APH1B: variants seen among roughly 807,000 people sequenced by gnomAD.
APH1B encodes gamma-secretase subunit APH-1B.
A neutral mutation model predicts 28.2 loss-of-function variants in APH1B; 27 were observed. The ratio of observed to expected loss-of-function variants is 0.96; its 90% CI spans 0.70 to 1.32. The LOEUF is 1.32. Among genes scored for constraint, APH1B ranks in the 40% most tolerant of loss-of-function variants. APH1B has a pLI of 0.00. For missense variants in APH1B, 305 were observed against 313.6 expected (o/e 0.97, Z 0.21); for synonymous variants, 141 against 124.6 (o/e 1.13, Z -0.88).
intron 2 of APH1B, among the ~76,000 whole-genome samples, chr15:63,281,357 T>C (rs746533151): frequency 3.3e-5 from 5 of 152,108 alleles, no homozygotes; most frequent in African/African-American, 1.2e-4. Flanking sequence ...TGACCCTTTT[T>C]GTCAGCGCCT....
chr15:63,300,713 A>G (rs1325254635), intron 4 of APH1B, among the ~76,000 whole-genome samples: 2 of 152,240 alleles, frequency 1.3e-5, no homozygotes, highest in African/African-American at 4.8e-5. Context: ...GTTTACTGAA[A>G]TAATTACACG....
chr15:63,277,859 TGA>T, intron 1 of APH1B, 123 bp downstream of exon 1: 1 of 946,662 alleles, frequency 1.1e-6, no homozygotes, highest in Non-Finnish European at 1.5e-6. Context: ...GGAGGAGGGT[TGA>T]GAGGGGGAGA....
chr15:63,308,844 A>G lies in APH1B; in HGVS notation c.*3063A>G, dbSNP rs1380356828. 6.6e-6 allele frequency: 1 copy of G among 152,230 alleles called. No homozygotes were observed. The highest frequency in any genetic ancestry group is 2.4e-5 in the African/African-American group (1 of 41,452). 9.4% of individuals were successfully genotyped at this position (152,230 alleles called of 1,614,324 possible). ...CCATTCCTAACTCCAGGTAGACAAG[A>G]TAGATGTCACACACAACAATTTTAA... On this transcript the variant is annotated 3_prime_UTR_variant, in exon 6 of 6. Coordinates refer to ENST00000261879, the MANE Select transcript of APH1B (RefSeq NM_031301.4).
chr15:63,301,768 A>T (rs1298446759), intron 4 of APH1B, among the ~76,000 whole-genome samples: 1 of 151,860 alleles, frequency 6.6e-6, no homozygotes, highest in Non-Finnish European at 1.5e-5. Flanking sequence ...ATGTGCCACC[A>T]TGCCTGGCTA....
chr15:63,279,428 T>G (rs370171969), intron 2 of APH1B, 97 bp downstream of exon 2: 2 of 1,131,346 alleles, frequency 1.8e-6, no homozygotes, highest in Non-Finnish European at 2.5e-6. Flanking sequence ...ATCTATGCCC[T>G]CCTACATAGT....
Position 63,279,265 on chromosome 15 carries a change from T to C in APH1B, c.218T>C (p.Ile73Thr). ...GGACCAACACAGAAATATCTGCTGA[T>C]CTTTGGAGCGTTTGTCTCTGTCTAT... ...KDGPTQKYLL[I>T]FGAFVSVYIQ... is the part of the protein sequence containing the mutation. Residue 73 changes from isoleucine (I) to threonine (T), a missense_variant, in exon 2 of 6, where the codon ATC (isoleucine) becomes ACC (threonine). By Grantham distance (89) the Ile-to-Thr change is moderately conservative. Coordinates refer to ENST00000261879, the MANE Select transcript of APH1B (RefSeq NM_031301.4). The C allele has an allele frequency of 6.2e-7, 1 of 1,612,790 alleles. No individual in the cohort carries two copies. Among genetic ancestry groups the C allele is most frequent in the Non-Finnish European group, 8.5e-7 (1 of 1,179,028 alleles).
intron 4 of APH1B, among the ~76,000 whole-genome samples, chr15:63,296,946 ATGT>A (rs1330251603): frequency 6.6e-6 from 1 of 152,124 alleles, no homozygotes; most frequent in East Asian, 1.9e-4. Flanking sequence ...CCGGCTGTAA[ATGT>A]TGTTTCTTGA....
At chr15:63,283,467 C>A (rs945858730) in intron 2 of APH1B, among the ~76,000 whole-genome samples, 1 of 152,032 alleles carries the variant, frequency 6.6e-6, no homozygotes, top group African/African-American at 2.4e-5. Flanking sequence ...TGAGCTCAAG[C>A]GACCCGCCCA....
At chr15:63,298,605 A>G (rs1446577710) in intron 4 of APH1B, among the ~76,000 whole-genome samples, 2 of 152,120 alleles carry the variant, frequency 1.3e-5, no homozygotes, top group Admixed American at 6.5e-5. Context: ...TGATAGTACA[A>G]CTCACTGAGA....
In APH1B at chr15:63,283,681, G is replaced by A. The variant is rs573489483; in HGVS notation, c.285-2877G>A. Reference sequence around the variant, plus strand: ...TGATAGTGTCCTTTGTAGCATCAAAGTTTTTAATTTTGGTGAGGTTCATCT... The same window carrying A: ...TGATAGTGTCCTTTGTAGCATCAAAATTTTTAATTTTGGTGAGGTTCATCT... On this transcript the variant is annotated intron_variant, in intron 2 of 5. Transcript: ENST00000261879. 2.9e-3 allele frequency among the ~76,000 whole-genome samples: 449 copies of A among 152,248 alleles called. 5 individuals carry two copies. Among genetic ancestry groups the A allele is most frequent in the African/African-American group, 0.01 (435 of 41,538 alleles).
intron 2 of APH1B, among the ~76,000 whole-genome samples, 199 bp downstream of exon 2, chr15:63,279,530 T>A (rs2038362886): frequency 6.6e-6 from 1 of 152,202 alleles, no homozygotes; most frequent in South Asian, 2.1e-4. Flanking sequence ...TTTCTTCCTT[T>A]ATTCAAAAAA....
Position 63,300,036 on chromosome 15 carries a change from G to A in APH1B, c.479-2309G>A, listed in dbSNP as rs932807061. 3.9e-5 allele frequency among the ~76,000 whole-genome samples: 6 copies of A among 152,152 alleles called. No individual in the cohort carries two copies. The South Asian group carries it at 1.2e-3, about 32-fold the overall frequency. ...ATATTATATGTGCATGAAATGGCAGGGATTTTCTTTCAGGGGAGGGAGTTT... is the reference window on the plus strand; with the variant it reads ...ATATTATATGTGCATGAAATGGCAGAGATTTTCTTTCAGGGGAGGGAGTTT... On this transcript the variant is annotated intron_variant, in intron 4 of 5. Transcript: ENST00000261879.
chr15:63,282,156 A>G (rs548789216), intron 2 of APH1B, among the ~76,000 whole-genome samples: 7 of 152,248 alleles, frequency 4.6e-5, no homozygotes, highest in African/African-American at 1.2e-4. Flanking sequence ...TGACATTTAT[A>G]TGGATACATT....
intron 3 of APH1B, 90 bp from the exon 4 acceptor site, chr15:63,287,334 C>A: frequency 6.5e-7 from 1 of 1,539,416 alleles, no homozygotes; most frequent in Non-Finnish European, 8.8e-7. Context: ...ACCCTTTCCC[C>A]TCCAACACAC....
chr15:63,302,107 G>A (rs1006852540), intron 4 of APH1B, among the ~76,000 whole-genome samples: 3 of 152,196 alleles, frequency 2.0e-5, no homozygotes, highest in African/African-American at 7.2e-5. Context: ...CTGCCTGAAA[G>A]CCAGATCTTA....
At chr15:63,293,267 C>T (rs1181346720) in intron 4 of APH1B, among the ~76,000 whole-genome samples, 1 of 150,994 alleles carries the variant, frequency 6.6e-6, no homozygotes, top group Non-Finnish European at 1.5e-5. Context: ...CGGGTTCATG[C>T]CATTCTCCTG....
At chr15:63,285,326 A>G (rs2038433957) in intron 2 of APH1B, among the ~76,000 whole-genome samples, 1 of 152,256 alleles carries the variant, frequency 6.6e-6, no homozygotes, top group Admixed American at 6.5e-5. Flanking sequence ...TGTTCTGGTT[A>G]ATTTAATTGT....
intron 1 of APH1B, chr15:63,278,379 A>G (rs2038349122): frequency 2.2e-6 from 1 of 456,486 alleles, no homozygotes; most frequent in Non-Finnish European, 4.4e-6. Context: ...CTGGTGTCCC[A>G]TCGCAGTCAT....
At chr15:63,279,729 A>G (rs2038365115) in intron 2 of APH1B, among the ~76,000 whole-genome samples, 2 of 152,206 alleles carry the variant, frequency 1.3e-5, no homozygotes, top group Admixed American at 6.5e-5. Flanking sequence ...GGGAAGCATT[A>G]AAACAACTAC....
Sources: gnomAD v4.1 joint callset for allele counts (sites outside exome capture counted in the v4.1 genomes callset) on GRCh38, gnomAD v4.1.1 for gene constraint, MANE v1.5 for transcripts, NCBI Gene and HGNC (gene_info 2026-07-23, HGNC 2026-07-21) for gene names.